Variants in KALRN observed in about 807,000 individuals in gnomAD.
KALRN encodes the protein kalirin RhoGEF kinase.
KALRN carries 70 observed loss-of-function variants against 353.7 expected under a neutral mutation model. That is an observed-to-expected ratio of 0.20 (90% CI 0.16 to 0.24). The LOEUF is 0.24. Among genes scored for constraint, KALRN ranks in the 10% least tolerant of loss-of-function variants. The pLI, the probability that KALRN is intolerant of heterozygous loss-of-function variation, is 1.00. For missense variants in KALRN, 2,791 were observed against 3,756.7 expected, an observed-to-expected ratio of 0.74 and a Z score of 6.72; for synonymous variants, 1,391 against 1,434.8, an observed-to-expected ratio of 0.97 and a Z score of 0.69.
At chr3:124,311,016 A>G (rs2078194404) in intron 6 of KALRN, among the ~76,000 whole-genome samples, 1 of 150,204 alleles carries the variant, frequency 6.7e-6, no homozygotes, top group Non-Finnish European at 1.5e-5. Context: ...GCTTGACATA[A>G]TTAGTCATCA....
intron 5 of KALRN, among the ~76,000 whole-genome samples, chr3:124,275,722 A>G (rs2074642608): frequency 6.6e-6 from 1 of 152,238 alleles, no homozygotes. Flanking sequence ...GCTCTCTTCC[A>G]AATGAACCTG....
At chr3:124,631,350 A>G (rs139848654) in intron 34 of KALRN, among the ~76,000 whole-genome samples, 2 of 152,254 alleles carry the variant, frequency 1.3e-5, no homozygotes, top group Non-Finnish European at 2.9e-5. Context: ...GCAAGCTGCT[A>G]TTCAATTTCT....
intron 34 of KALRN, among the ~76,000 whole-genome samples, chr3:124,576,313 A>G (rs1477913299): frequency 1.3e-5 from 2 of 152,014 alleles, no homozygotes; most frequent in African/African-American, 4.8e-5. Context: ...CCCTATCCCC[A>G]GCATCTAAAA....
At chr3:124,394,003 AG>A (rs2089839100) in intron 11 of KALRN, among the ~76,000 whole-genome samples, 1 of 152,240 alleles carries the variant, frequency 6.6e-6, no homozygotes, top group African/African-American at 2.4e-5. Context: ...AATATTCTTG[AG>A]GTAGACATTT....
intron 33 of KALRN, among the ~76,000 whole-genome samples, chr3:124,549,981 C>A (rs1265889926): frequency 6.6e-6 from 1 of 151,890 alleles, no homozygotes; most frequent in Non-Finnish European, 1.5e-5. Flanking sequence ...CTTTGAATGC[C>A]AGGACAAGGA....
intron 3 of KALRN, among the ~76,000 whole-genome samples, chr3:124,236,849 G>A (rs935594288): frequency 2.0e-5 from 3 of 152,212 alleles, no homozygotes; most frequent in Non-Finnish European, 4.4e-5. Flanking sequence ...TGCTTCTCAG[G>A]GGGTGGTCAC....
At chr3:124,517,052 G>A (rs1426174029) in intron 33 of KALRN, among the ~76,000 whole-genome samples, 5 of 152,092 alleles carry the variant, frequency 3.3e-5, no homozygotes, top group African/African-American at 7.2e-5. Context: ...GCCTGATCTC[G>A]TGATCCGCCC....
At chr3:124,498,275 C>G (rs1040173597) in intron 33 of KALRN, among the ~76,000 whole-genome samples, 2 of 152,332 alleles carry the variant, frequency 1.3e-5, no homozygotes. Flanking sequence ...ATGTGCCAAG[C>G]TCTGTGCTGG....
At chr3:124,267,702 CAA>C (rs2073727957) in intron 4 of KALRN, among the ~76,000 whole-genome samples, 1 of 152,120 alleles carries the variant, frequency 6.6e-6, no homozygotes, top group Non-Finnish European at 1.5e-5. Context: ...AGAGAAGGAA[CAA>C]AGAGGGGATG....
chr3:124,510,594 TTC>T (rs1354589547), intron 33 of KALRN, among the ~76,000 whole-genome samples: 10 of 152,144 alleles, frequency 6.6e-5, no homozygotes, highest in African/African-American at 2.4e-4. Flanking sequence ...TGTCCTTTTA[TTC>T]TTTCATTCTC....
chr3:124,294,138 C>G (rs1327885507), intron 5 of KALRN, among the ~76,000 whole-genome samples: 1 of 151,884 alleles, frequency 6.6e-6, no homozygotes, highest in Non-Finnish European at 1.5e-5. Flanking sequence ...GATAGAGTAC[C>G]ATCTGGGGTA....
intron 33 of KALRN, among the ~76,000 whole-genome samples, chr3:124,503,165 G>A (rs895589453): frequency 8.5e-5 from 13 of 152,208 alleles, no homozygotes; most frequent in African/African-American, 2.9e-4. Flanking sequence ...TATGCTGCCT[G>A]CCATTTAGTA....
intron 1 of KALRN, among the ~76,000 whole-genome samples, chr3:124,222,061 T>C (rs531009241): frequency 3.9e-5 from 6 of 152,294 alleles, no homozygotes; most frequent in Non-Finnish European, 7.4e-5. Flanking sequence ...GACTGGCTTC[T>C]CTGTCCTTTA....
intron 37 of KALRN, among the ~76,000 whole-genome samples, chr3:124,640,309 CAG>C (rs2081901946): frequency 7.9e-6 from 1 of 127,296 alleles, no homozygotes; most frequent in Non-Finnish European, 1.6e-5. Flanking sequence ...TTTTTTGAGA[CAG>C]AGTCTCACTC....
chr3:124,655,642 T>C lies in KALRN; in HGVS notation c.5837T>C (p.Val1946Ala), dbSNP rs768092038. The C allele has an allele frequency of 3.1e-6, 5 of 1,614,098 alleles. No homozygotes were observed. The highest frequency in any genetic ancestry group is 4.2e-6 in the Non-Finnish European group (5 of 1,179,930). Residue 1946 changes from valine (V) to alanine (A), a missense_variant, in exon 39 of 60, where the codon GTC (valine) becomes GCC (alanine). Physicochemically the swap from Val to Ala is moderately conservative, Grantham distance 64. Coordinates refer to ENST00000682506, the MANE Select transcript of KALRN (RefSeq NM_001388419.1). ...NELVQTEKDY[V>A]KDLGIVVEGF... ...CTGGTACAGACAGAGAAAGACTATG[T>C]CAAGGATCTGGGCATTGTGGTGGAG...
At chr3:124,574,487 G>T (rs1258724917) in intron 34 of KALRN, among the ~76,000 whole-genome samples, 1 of 143,598 alleles carries the variant, frequency 7.0e-6, no homozygotes, top group African/African-American at 2.7e-5. Context: ...GGGGAAGTCA[G>T]GGGCAAACTT....
intron 34 of KALRN, among the ~76,000 whole-genome samples, chr3:124,566,106 A>G (rs2072779925): frequency 6.6e-6 from 1 of 152,162 alleles, no homozygotes; most frequent in Non-Finnish European, 1.5e-5. Flanking sequence ...CCCCAAGCTT[A>G]GGCCAATTAT....
chr3:124,680,632 G>A (rs1390227970), intron 51 of KALRN, among the ~76,000 whole-genome samples: 2 of 152,186 alleles, frequency 1.3e-5, no homozygotes. Context: ...GCACCATGTT[G>A]TTTCAGCCAC....
At chr3:124,669,948 T>TC (rs1196654359) in intron 47 of KALRN, among the ~76,000 whole-genome samples, 4 of 150,830 alleles carry the variant, frequency 2.7e-5, no homozygotes, top group South Asian at 2.1e-4. Flanking sequence ...CATCCTTTTT[T>TC]CCCCCATATA....
Sources: gnomAD v4.1 joint callset for allele counts (sites outside exome capture counted in the v4.1 genomes callset) on GRCh38, gnomAD v4.1.1 for gene constraint, MANE v1.5 for transcripts, NCBI Gene and HGNC (gene_info 2026-07-23, HGNC 2026-07-21) for gene names.